Variants in CDH4 observed in about 807,000 individuals in gnomAD.
CDH4 encodes the protein cadherin-4.
Under a neutral mutation model 86.0 loss-of-function variants are expected in CDH4, and 33 were observed. That is an observed-to-expected ratio of 0.38 (90% confidence interval 0.29 to 0.51). CDH4 has a LOEUF of 0.51. Ranked by LOEUF, CDH4 falls within the 20% of genes least tolerant of loss-of-function variation. CDH4 has a pLI of 0.86. For missense variants in CDH4, 1,114 were observed against 1,307.4 expected, an observed-to-expected ratio of 0.85 and a Z score of 2.28; for synonymous variants, 555 against 549.4, an observed-to-expected ratio of 1.01 and a Z score of -0.14.
chr20:61,637,244 C>T (rs1445649644), intron 2 of CDH4, among the ~76,000 whole-genome samples: 2 of 152,206 alleles, frequency 1.3e-5, no homozygotes, highest in East Asian at 3.9e-4. Context: ...AGGGGATGCG[C>T]GTGTGTGTCT....
At chr20:61,499,780 C>A (rs560975919) in intron 2 of CDH4, among the ~76,000 whole-genome samples, 1 of 152,130 alleles carries the variant, frequency 6.6e-6, no homozygotes, top group Non-Finnish European at 1.5e-5. Context: ...GCTTTGGGGA[C>A]GATGAGGAGA....
chr20:61,613,596 GA>G (rs5842359), intron 2 of CDH4, among the ~76,000 whole-genome samples: 117,125 of 134,382 alleles, frequency 0.87, 50,892 homozygotes, highest in East Asian at 0.97. Flanking sequence ...GGCTTCAAAA[GA>G]AAAAAAAAAA....
chr20:61,627,878 C>T (rs986239406), intron 2 of CDH4, among the ~76,000 whole-genome samples: 5 of 152,054 alleles, frequency 3.3e-5, no homozygotes, highest in Non-Finnish European at 2.9e-5. Context: ...GTGTCGGTGT[C>T]CCCCAGCGAG....
In CDH4 at chr20:61,709,436, G is replaced by A. The variant is rs564368723; in HGVS notation, c.170-34127G>A. Reference sequence around the variant, plus strand: ...ATTACAGGCGGGTGCCACCATGCCCGGCTATTTTTTTCTATTTTTAGGAGG... The same window carrying A: ...ATTACAGGCGGGTGCCACCATGCCCAGCTATTTTTTTCTATTTTTAGGAGG... On this transcript the variant is annotated intron_variant, in intron 2 of 15. Coordinates refer to ENST00000614565, the MANE Select transcript of CDH4 (RefSeq NM_001794.5). The surrounding 1 kb of genome is among the most constrained non-coding windows in gnomAD (Gnocchi z 4.8). 2.0e-5 allele frequency among the ~76,000 whole-genome samples: 3 copies of A among 152,000 alleles called. No homozygotes were observed. The highest frequency in any genetic ancestry group is 7.2e-5 in the African/African-American group (3 of 41,442).
At chr20:61,361,609 G>A (rs983453874) in intron 2 of CDH4, among the ~76,000 whole-genome samples, 6 of 152,192 alleles carry the variant, frequency 3.9e-5, no homozygotes, top group African/African-American at 7.2e-5. Flanking sequence ...ACAGTCGTGC[G>A]TGGAGGAGCC....
Position 61,333,050 on chromosome 20 carries a change from G to T in CDH4, c.169+78113G>T, listed in dbSNP as rs534407033. Among the ~76,000 whole-genome samples the T allele has an allele frequency of 3.5e-4, 53 of 152,352 alleles. 1 individual carries two copies. In the South Asian group the frequency reaches 0.011, roughly 31 times the overall value. On this transcript the variant is annotated intron_variant, in intron 2 of 15. Coordinates refer to ENST00000614565, the MANE Select transcript of CDH4 (RefSeq NM_001794.5). The stretch of plus-strand genomic sequence containing the variant: ...AACTAAACACTTATTTGTTTGTAAA[G>T]GGTGGCGCTTTTTGGCTTCTAAGAA...
intron 2 of CDH4, among the ~76,000 whole-genome samples, chr20:61,562,014 G>A (rs8123734): frequency 0.03 from 4,340 of 142,594 alleles, 104 homozygotes; most frequent in African/African-American, 0.078. Flanking sequence ...CAGGGCTCCC[G>A]GAGAGAGAGA....
At chr20:61,296,833 C>A (rs1241381172) in intron 2 of CDH4, among the ~76,000 whole-genome samples, 2 of 151,980 alleles carry the variant, frequency 1.3e-5, no homozygotes, top group Admixed American at 1.3e-4. Context: ...GGACGATGGG[C>A]AGGTGGCGTC....
intron 2 of CDH4, among the ~76,000 whole-genome samples, chr20:61,358,167 G>T (rs538370395): frequency 2.2e-4 from 33 of 152,264 alleles, no homozygotes; most frequent in African/African-American, 7.9e-4. Flanking sequence ...CCCCCGGGAC[G>T]TGCTTCCTGC....
intron 2 of CDH4, among the ~76,000 whole-genome samples, chr20:61,354,823 T>A (rs28623328): frequency 2.6e-5 from 4 of 152,056 alleles, no homozygotes; most frequent in Admixed American, 6.5e-5. Context: ...TGCTGGAACC[T>A]GCCAGGGGTG....
chr20:61,648,358 G>A (rs1370138971), intron 2 of CDH4, among the ~76,000 whole-genome samples: 1 of 152,180 alleles, frequency 6.6e-6, no homozygotes, highest in Non-Finnish European at 1.5e-5. Context: ...TTATGTATAA[G>A]GACTCACTCC....
chr20:61,278,711 A>G (rs1424317442), intron 2 of CDH4, among the ~76,000 whole-genome samples: 1 of 152,240 alleles, frequency 6.6e-6, no homozygotes, highest in African/African-American at 2.4e-5. Context: ...GGAGTGGTCC[A>G]TGCAGGATCT....
chr20:61,296,650 G>A (rs964067080), intron 2 of CDH4, among the ~76,000 whole-genome samples: 2 of 151,880 alleles, frequency 1.3e-5, no homozygotes, highest in Admixed American at 6.6e-5. Context: ...CATTCTGTTC[G>A]ATTTCATTTT....
At chr20:61,339,081 T>C (rs188713459) in intron 2 of CDH4, among the ~76,000 whole-genome samples, 3 of 152,352 alleles carry the variant, frequency 2.0e-5, no homozygotes, top group African/African-American at 7.2e-5. Context: ...ATTCATGTTC[T>C]CATGGATGAA....
At chr20:61,275,114 T>A (rs1600825279) in intron 2 of CDH4, among the ~76,000 whole-genome samples, 1 of 96,662 alleles carries the variant, frequency 1.0e-5, no homozygotes. Flanking sequence ...GAGTACTGTG[T>A]GCAGTTTTGG....
At chr20:61,642,341 G>A (rs879262409) in intron 2 of CDH4, among the ~76,000 whole-genome samples, 17 of 152,098 alleles carry the variant, frequency 1.1e-4, no homozygotes, top group Admixed American at 6.5e-4. Context: ...AGAGGGGTGT[G>A]GAATGGGGAA....
chr20:61,762,537 G>T (rs911847233), intron 3 of CDH4, among the ~76,000 whole-genome samples: 1 of 152,218 alleles, frequency 6.6e-6, no homozygotes, highest in African/African-American at 2.4e-5. Flanking sequence ...GCTCGGGGCT[G>T]TTGCAAATAT....
intron 2 of CDH4, among the ~76,000 whole-genome samples, chr20:61,691,706 C>T (rs1358426366): frequency 6.6e-6 from 1 of 152,170 alleles, no homozygotes; most frequent in Non-Finnish European, 1.5e-5. Flanking sequence ...CTGGGTACTG[C>T]AGACAGCAGT....
At chr20:61,781,708 A>G (rs990249210) in intron 4 of CDH4, among the ~76,000 whole-genome samples, 5 of 152,244 alleles carry the variant, frequency 3.3e-5, no homozygotes, top group Non-Finnish European at 7.3e-5. Context: ...CCTCAAAGAA[A>G]TAATGATTGA....
Sources: gnomAD v4.1 joint callset for allele counts (sites outside exome capture counted in the v4.1 genomes callset) on GRCh38, gnomAD v4.1.1 for gene constraint, Gnocchi (gnomAD v3.1) non-coding constraint, MANE v1.5 for transcripts, NCBI Gene and HGNC (gene_info 2026-07-23, HGNC 2026-07-21) for gene names.